Variants in INPP4B observed in about 807,000 individuals in gnomAD.
The protein encoded by INPP4B is inositol polyphosphate-4-phosphatase type II B.
A neutral mutation model predicts 122.5 loss-of-function variants in INPP4B; 55 were observed. The observed-to-expected ratio is 0.45, with a 90% CI of 0.36 to 0.56. The LOEUF is 0.56. Ranked by LOEUF, INPP4B falls within the 20% of genes least tolerant of loss-of-function variation. The pLI is 0.00. For synonymous variants in INPP4B, 403 were observed against 388.7 expected (o/e 1.04, Z -0.43); for missense variants, 1,000 against 1,097.7 (o/e 0.91, Z 1.26).
intron 2 of INPP4B, among the ~76,000 whole-genome samples, chr4:142,632,336 A>G (rs1172922313): frequency 6.6e-6 from 1 of 152,158 alleles, no homozygotes; most frequent in Non-Finnish European, 1.5e-5. Context: ...CAAGCCATGC[A>G]CAGAAAGACA....
intron 7 of INPP4B, among the ~76,000 whole-genome samples, chr4:142,346,132 C>T (rs1000136870): frequency 1.3e-5 from 2 of 152,006 alleles, no homozygotes; most frequent in East Asian, 1.9e-4. Flanking sequence ...CATCCTCTTA[C>T]GTGGTGCTGA....
At chr4:142,471,844 C>T (rs1268747559) in intron 2 of INPP4B, among the ~76,000 whole-genome samples, 4 of 151,870 alleles carry the variant, frequency 2.6e-5, no homozygotes, top group African/African-American at 9.7e-5. Context: ...GCACTTTTGC[C>T]TTCACCAGCC....
chr4:142,537,153 T>C (rs1828297920), intron 2 of INPP4B, among the ~76,000 whole-genome samples: 1 of 151,752 alleles, frequency 6.6e-6, no homozygotes, highest in Non-Finnish European at 1.5e-5. Flanking sequence ...GAGAAAACTT[T>C]GGTGATATAT....
chr4:142,710,567 A>G (rs1179588326), intron 2 of INPP4B, among the ~76,000 whole-genome samples: 3 of 152,244 alleles, frequency 2.0e-5, no homozygotes, highest in Non-Finnish European at 4.4e-5. Context: ...TGTACTGCAC[A>G]TATAAAAAGT....
In INPP4B at chr4:142,152,553, C is replaced by T. The variant is rs183838073; in HGVS notation, c.1564-6557G>A. On this transcript the variant is annotated intron_variant, in intron 17 of 25. Coordinates refer to ENST00000262992, the MANE Select transcript of INPP4B (RefSeq NM_001101669.3). ...TCCATCTTTTCCGACTGTCACATAA[C>T]GACTCTGAAAATTTTGGGCGTTTTT... Among the ~76,000 whole-genome samples, 224 of 152,156 alleles carry T rather than the reference C, an allele frequency of 1.5e-3. 1 individual carries two copies. Among genetic ancestry groups the T allele is most frequent in the African/African-American group, 4.7e-3 (195 of 41,520 alleles).
At chr4:142,646,480 G>A (rs1751802073) in intron 2 of INPP4B, among the ~76,000 whole-genome samples, 1 of 152,178 alleles carries the variant, frequency 6.6e-6, no homozygotes, top group Non-Finnish European at 1.5e-5. Flanking sequence ...ATGCCATGAA[G>A]TGATACTTTC....
chr4:142,218,115 C>T (rs1848070103), intron 12 of INPP4B, among the ~76,000 whole-genome samples: 1 of 151,968 alleles, frequency 6.6e-6, no homozygotes, highest in African/African-American at 2.4e-5. Flanking sequence ...TGCTGGGATT[C>T]CATCACACTG....
At chr4:142,147,505 AG>A (rs1811417442) in intron 17 of INPP4B, among the ~76,000 whole-genome samples, 1 of 152,188 alleles carries the variant, frequency 6.6e-6, no homozygotes, top group Non-Finnish European at 1.5e-5. Flanking sequence ...CACTGAGAAA[AG>A]TACTTCCTCC....
chr4:142,384,025 T>C (rs1021124030), intron 7 of INPP4B: 1 of 700,038 alleles, frequency 1.4e-6, no homozygotes, highest in Non-Finnish European at 2.6e-6. Flanking sequence ...CTGCAGACAT[T>C]TGAACAGGTG....
intron 2 of INPP4B, among the ~76,000 whole-genome samples, chr4:142,478,957 A>C (rs1481602292): frequency 6.6e-6 from 1 of 152,208 alleles, no homozygotes; most frequent in Non-Finnish European, 1.5e-5. Context: ...CAAAAACAAA[A>C]ATTGACAAAT....
At chr4:142,287,478 C>T (rs923368511) in intron 9 of INPP4B, 16 of 152,134 alleles carry the variant, frequency 1.1e-4, no homozygotes, top group Non-Finnish European at 2.9e-5. Context: ...AAACTGTCAC[C>T]CTGAGTTTGG....
chr4:142,229,839 T>G (rs942881057), intron 12 of INPP4B, among the ~76,000 whole-genome samples: 3 of 152,158 alleles, frequency 2.0e-5, no homozygotes, highest in South Asian at 4.1e-4. Context: ...TGTATATTTT[T>G]GGGGGGATAG....
intron 25 of INPP4B, chr4:142,030,023 T>G: frequency 7.2e-7 from 1 of 1,380,836 alleles, no homozygotes; most frequent in Non-Finnish European, 9.4e-7. Context: ...ATTTAACATT[T>G]TTTAAATTCT....
chr4:142,822,047 C>A (rs1330260170), intron 1 of INPP4B, among the ~76,000 whole-genome samples: 2 of 152,130 alleles, frequency 1.3e-5, no homozygotes, highest in Admixed American at 6.5e-5. Context: ...AGCTGCCTTA[C>A]AAGGAAGTGA....
intron 2 of INPP4B, among the ~76,000 whole-genome samples, chr4:142,515,130 A>C (rs930767260): frequency 6.6e-6 from 1 of 152,158 alleles, no homozygotes; most frequent in African/African-American, 2.4e-5. Flanking sequence ...GTATATAAAG[A>C]TCTTAGTAGT....
At chr4:142,728,294 A>C (rs1032550930) in intron 1 of INPP4B, among the ~76,000 whole-genome samples, 1 of 152,204 alleles carries the variant, frequency 6.6e-6, no homozygotes, top group African/African-American at 2.4e-5. Flanking sequence ...AGTACAGCAT[A>C]TATGTCTTCT....
intron 1 of INPP4B, among the ~76,000 whole-genome samples, chr4:142,742,648 A>G (rs1174188162): frequency 6.6e-6 from 1 of 152,010 alleles, no homozygotes; most frequent in Admixed American, 6.6e-5. Flanking sequence ...ATGAATCAAA[A>G]CAAAGTTTAC....
intron 25 of INPP4B, among the ~76,000 whole-genome samples, chr4:142,055,911 C>A (rs893483177): frequency 7.9e-5 from 12 of 151,924 alleles, no homozygotes; most frequent in African/African-American, 2.7e-4. Context: ...AATAATTATA[C>A]AACTCACCAC....
intron 2 of INPP4B, among the ~76,000 whole-genome samples, chr4:142,582,263 T>G (rs1400926803): frequency 6.6e-6 from 1 of 151,900 alleles, no homozygotes; most frequent in Non-Finnish European, 1.5e-5. Flanking sequence ...AAAGTATAAA[T>G]TAGTTTTCAA....
Sources: gnomAD v4.1 joint callset for allele counts (sites outside exome capture counted in the v4.1 genomes callset) on GRCh38, gnomAD v4.1.1 for gene constraint, MANE v1.5 for transcripts, NCBI Gene and HGNC (gene_info 2026-07-23, HGNC 2026-07-21) for gene names.